The following CLN6 variants were observed in gnomAD, a reference collection of about 807,000 sequenced individuals.
CLN6 encodes CLN6 transmembrane ER protein.
A neutral mutation model predicts 33.3 loss-of-function variants in CLN6; 22 were observed. The observed-to-expected ratio is 0.66, with a 90% CI of 0.47 to 0.94. The LOEUF (loss-of-function observed/expected upper bound fraction) is 0.94, where lower values mean the gene tolerates loss of function less well. CLN6 is among the 40% of genes least tolerant of loss of function. The pLI, the probability that CLN6 is intolerant of heterozygous loss-of-function variation, is 0.00. For missense variants in CLN6, 387 were observed against 417.1 expected (o/e 0.93, Z 0.63); for synonymous variants, 201 against 174.6 (o/e 1.15, Z -1.19).
rs192729500 is a variant in CLN6 at position 68,222,593 on chromosome 15, C to T, written c.84-3943G>A. On this transcript the variant is annotated intron_variant, in intron 1 of 6. Coordinates refer to ENST00000249806, the MANE Select transcript of CLN6 (RefSeq NM_017882.3). ...GAAGTGAGAAGTGCCTCTGCCCGGC[C>T]GCCCGGTCTGGGAGGTGTACCCAAC... Among the ~76,000 whole-genome samples the T allele has an allele frequency of 1.1e-3, 173 of 152,202 alleles. 1 individual carries two copies. Among genetic ancestry groups the T allele is most frequent in the Non-Finnish European group, 6.6e-4 (45 of 68,004 alleles).
intron 1 of CLN6, 134 bp from the exon 2 acceptor site, chr15:68,218,784 G>A (rs1567098041): frequency 1.8e-5 from 12 of 678,058 alleles, no homozygotes; most frequent in Non-Finnish European, 2.9e-5. Flanking sequence ...CTATGGATAG[G>A]GTTTTGCTGG....
intron 1 of CLN6, among the ~76,000 whole-genome samples, chr15:68,255,581 G>A (rs1164506775): frequency 1.3e-5 from 2 of 152,186 alleles, no homozygotes; most frequent in African/African-American, 4.8e-5. Context: ...GTGGCTTTCT[G>A]ATTTTTGGTA....
Position 68,211,381 on chromosome 15 carries a change from G to C in CLN6, c.487-63C>G. ...CGATGTCAGTCCAGGGAGGTGCTGG[G>C]GCCCCAAGCATCCCCTCTGACCACC... On this transcript the variant is annotated intron_variant, in intron 4 of 6. Coordinates refer to ENST00000249806, the MANE Select transcript of CLN6 (RefSeq NM_017882.3). This position sits in a 1 kb window ranked among gnomAD's most constrained non-coding sequence, Gnocchi z 5.9. 1.3e-6 allele frequency: 2 copies of C among 1,597,200 alleles called. No individual in the cohort carries two copies. The highest frequency in any genetic ancestry group is 3.3e-5 in the Admixed American group (2 of 59,964).
At chr15:68,250,518 G>A (rs1043809014) in intron 1 of CLN6, among the ~76,000 whole-genome samples, 16 of 151,638 alleles carry the variant, frequency 1.1e-4, no homozygotes, top group African/African-American at 3.9e-4. Context: ...CCAGCTACTC[G>A]GAAGGCTGAG....
In CLN6 at chr15:68,256,654, G is replaced by C. The variant is rs1567107648; in HGVS notation, c.179+36C>G. 2 of 608,002 alleles carry C rather than the reference G, an allele frequency of 3.3e-6. No individual in the cohort carries two copies. The highest frequency in any genetic ancestry group is 2.8e-5 in the East Asian group (1 of 36,162). The allele number at this position is 608,002 out of a possible 1,614,324, so 37.7% of individuals were successfully genotyped here. ...CCACGTTCAGAAGGGCTTCGCCCTT[G>C]GTTTAATGCGCTGCTCTCATTGCCT... On this transcript the variant is annotated intron_variant, in intron 1 of 6. Transcript: ENST00000538696. The surrounding 1 kb of genome is among the most constrained non-coding windows in gnomAD (Gnocchi z 4.1).
chr15:68,229,828 G>C (rs1169071882), upstream of CLN6: 1 of 262,774 alleles, frequency 3.8e-6, no homozygotes, highest in African/African-American at 2.2e-5. Flanking sequence ...GGAGGGCCGG[G>C]CGCTGCGAGT....
rs182544459 is a variant in CLN6, at chr15:68,246,743, A to C, written c.179+9947T>G. 1.1e-3 allele frequency among the ~76,000 whole-genome samples: 169 copies of C among 152,270 alleles called. 1 individual carries two copies. Among genetic ancestry groups the C allele is most frequent in the African/African-American group, 4.0e-3 (164 of 41,516 alleles). ...ATAAATATCAGAGCAGAAATAAATG[A>C]AATTAGGCTAAAATATAGAGAAAAT... On this transcript the variant is annotated intron_variant, in intron 1 of 6. Coordinates refer to the CLN6 transcript ENST00000538696. The surrounding 1 kb of genome is among the most constrained non-coding windows in gnomAD (Gnocchi z 4.5).
chr15:68,243,833 G>A (rs1892299906), intron 1 of CLN6, among the ~76,000 whole-genome samples: 2 of 151,770 alleles, frequency 1.3e-5, no homozygotes, highest in Admixed American at 6.6e-5. Context: ...GGAGGCTGAG[G>A]TGGGCGGATC....
chr15:68,224,482 C>G (rs924070811), intron 1 of CLN6, among the ~76,000 whole-genome samples: 1 of 151,708 alleles, frequency 6.6e-6, no homozygotes, highest in African/African-American at 2.4e-5. Flanking sequence ...ATTAGCCCAG[C>G]ATGGTGGTGC....
At chr15:68,244,940 C>T (rs1258152533) in intron 1 of CLN6, among the ~76,000 whole-genome samples, 2 of 148,880 alleles carry the variant, frequency 1.3e-5, no homozygotes, top group Non-Finnish European at 3.0e-5. Flanking sequence ...TATAATCCCA[C>T]CTACTTGGGA....
rs2093234092 is a variant in CLN6 at position 68,220,994 on chromosome 15, T to C, written c.84-2344A>G. 2.0e-5 allele frequency among the ~76,000 whole-genome samples: 2 copies of C among 97,940 alleles called. No homozygotes were observed. Among genetic ancestry groups the C allele is most frequent in the Non-Finnish European group, 4.0e-5 (2 of 50,364 alleles). 64.3% of individuals were successfully genotyped at this position (97,940 alleles called of 152,430 possible). ...GTGCATGCCACTATGCCCAGCTAAT[T>C]TTATTTTATTATTATTATTATTATT... is the stretch of plus-strand genomic sequence containing the variant. On this transcript the variant is annotated intron_variant, in intron 1 of 6. Coordinates refer to ENST00000249806, the MANE Select transcript of CLN6 (RefSeq NM_017882.3). The surrounding 1 kb of genome is among the most constrained non-coding windows in gnomAD (Gnocchi z 4.2).
intron 2 of CLN6, chr15:68,218,174 G>A (rs2093225690): frequency 3.6e-6 from 1 of 275,144 alleles, no homozygotes; most frequent in East Asian, 8.5e-5. Flanking sequence ...GACGGAGGTG[G>A]GGGTGCGGTG....
In CLN6 at chr15:68,236,780, G is replaced by T. The variant is rs1892222319; in HGVS notation, c.180-18130C>A. ...TAAAGCTATTATTTAAGAAAATAAG[G>T]CAAAGACCTTTGCAATTGATCAGAC... On this transcript the variant is annotated intron_variant, in intron 1 of 6. Transcript: ENST00000538696. This position sits in a 1 kb window ranked among gnomAD's most constrained non-coding sequence, Gnocchi z 4.5. Among the ~76,000 whole-genome samples the T allele has an allele frequency of 6.6e-6, 1 of 152,152 alleles. No homozygotes were observed. The highest frequency in any genetic ancestry group is 2.4e-5 in the African/African-American group (1 of 41,438).
intron 1 of CLN6, among the ~76,000 whole-genome samples, chr15:68,249,507 AC>A (rs1377189991): frequency 6.6e-6 from 1 of 152,142 alleles, no homozygotes; most frequent in Non-Finnish European, 1.5e-5. Context: ...AAAGAATGAA[AC>A]TCTGTCATTG....
At chr15:68,254,619 T>G (rs1892414290) in intron 1 of CLN6, 1 of 631,920 alleles carries the variant, frequency 1.6e-6, no homozygotes, top group Non-Finnish European at 2.8e-6. Context: ...CCCGCCGCCG[T>G]TGCCGCCACC....
chr15:68,223,709 C>G (rs990630461), intron 1 of CLN6, among the ~76,000 whole-genome samples: 1 of 151,628 alleles, frequency 6.6e-6, no homozygotes, highest in Non-Finnish European at 1.5e-5. Flanking sequence ...CAATGAGAAT[C>G]CCTGTCATTA....
In CLN6 at chr15:68,243,316, C is replaced by T. The variant is rs145697020; in HGVS notation, c.179+13374G>A. On this transcript the variant is annotated intron_variant, in intron 1 of 6. Coordinates refer to the CLN6 transcript ENST00000538696. ...TCATACTGATATGGGGCCAGAATCT[C>T]GGCCTACTTTTCCGAATAACAGAGT... is the stretch of plus-strand genomic sequence containing the variant. Among the ~76,000 whole-genome samples, 439 of 152,288 alleles carry T rather than the reference C, an allele frequency of 2.9e-3. 1 individual carries two copies. Among genetic ancestry groups the T allele is most frequent in the African/African-American group, 9.7e-3 (405 of 41,562 alleles).
rs1892329221 is a variant in CLN6 at position 68,246,255 on chromosome 15, G to A, written c.179+10435C>T. Among the ~76,000 whole-genome samples, 1 of 152,094 alleles carries A rather than the reference G, an allele frequency of 6.6e-6. No individual in the cohort carries two copies. The highest frequency in any genetic ancestry group is 2.1e-4 in the South Asian group (1 of 4,830). On this transcript the variant is annotated intron_variant, in intron 1 of 6. Coordinates refer to the CLN6 transcript ENST00000538696. The surrounding 1 kb of genome is among the most constrained non-coding windows in gnomAD (Gnocchi z 4.5). ...TTACAGAACATTTCACCCAACTGCT[G>A]CAGAATACACATTGTTTTCATAAAC... is the stretch of plus-strand genomic sequence containing the variant.
At chr15:68,254,268 G>A (rs1384805411) in intron 1 of CLN6, among the ~76,000 whole-genome samples, 1 of 152,302 alleles carries the variant, frequency 6.6e-6, no homozygotes, top group Middle Eastern at 3.4e-3. Flanking sequence ...AGCACGATAC[G>A]AAAGGGGCAT....
Sources: gnomAD v4.1 joint callset for allele counts (sites outside exome capture counted in the v4.1 genomes callset) on GRCh38, gnomAD v4.1.1 for gene constraint, Gnocchi (gnomAD v3.1) non-coding constraint, MANE v1.5 for transcripts, NCBI Gene and HGNC (gene_info 2026-07-23, HGNC 2026-07-21) for gene names.